Variants in TTBK2 observed in about 807,000 individuals in gnomAD.
TTBK2 encodes tau tubulin kinase 2.
In TTBK2, 28 loss-of-function variants were observed where a neutral mutation model predicts 110.8. The ratio of observed to expected loss-of-function variants is 0.25; its 90% confidence interval spans 0.19 to 0.35. The LOEUF is 0.35. Among genes scored for constraint, TTBK2 ranks in the 10% least tolerant of loss-of-function variants. TTBK2 has a pLI of 1.00. For synonymous variants in TTBK2, 532 were observed against 527.3 expected (o/e 1.01, Z -0.12); for missense variants, 1,369 against 1,500.3 (o/e 0.91, Z 1.45).
chr15:42,777,914 T>C (rs1172760899), intron 11 of TTBK2, among the ~76,000 whole-genome samples: 1 of 152,068 alleles, frequency 6.6e-6, no homozygotes, highest in Non-Finnish European at 1.5e-5. Context: ...ATTGGTGATA[T>C]ACTCAGGGTA....
At chr15:42,874,983 CA>C (rs1361761708) in intron 2 of TTBK2, among the ~76,000 whole-genome samples, 7,955 of 124,064 alleles carry the variant, frequency 0.064, 535 homozygotes, top group African/African-American at 0.17. Flanking sequence ...GAGACTGCCT[CA>C]AAAAAAAAAA....
Position 42,777,036 on chromosome 15 carries a change from C to T in TTBK2, c.1404G>A (p.Glu468=). Residue 468 remains glutamate (E), a synonymous_variant, in exon 12 of 15, where the codon GAG becomes GAA. Transcript: ENST00000267890. ...AAAAATACACTATTTTATACCAGGT[C>T]TCAAGGAACTTGTCAGTGTCTGGCT... ...EPKPDTDKFL[E]TCLEKMQKDT... The T allele has an allele frequency of 6.2e-7, 1 of 1,613,952 alleles. No homozygotes were observed. Among genetic ancestry groups the T allele is most frequent in the Non-Finnish European group, 8.5e-7 (1 of 1,179,900 alleles).
At chr15:42,786,173 T>C (rs1358369558) in intron 10 of TTBK2, among the ~76,000 whole-genome samples, 1 of 152,124 alleles carries the variant, frequency 6.6e-6, no homozygotes, top group African/African-American at 2.4e-5. Context: ...GTAGTATCTG[T>C]AGTTCTGACA....
intron 1 of TTBK2, among the ~76,000 whole-genome samples, chr15:42,906,034 C>T (rs958528281): frequency 6.6e-6 from 1 of 151,960 alleles, no homozygotes; most frequent in South Asian, 2.1e-4. Flanking sequence ...ACTAAAAATA[C>T]AAAATTAGCT....
At chr15:42,773,511 T>A (rs1889767804) in intron 13 of TTBK2, among the ~76,000 whole-genome samples, 2 of 152,082 alleles carry the variant, frequency 1.3e-5, no homozygotes, top group Admixed American at 6.6e-5. Context: ...AAACATCACA[T>A]ACATGAACAC....
chr15:42,881,988 G>A (rs531126962), intron 1 of TTBK2, among the ~76,000 whole-genome samples: 6 of 152,202 alleles, frequency 3.9e-5, no homozygotes, highest in Non-Finnish European at 7.4e-5. Flanking sequence ...TAAACTGGAA[G>A]ATAAATCTAT....
intron 13 of TTBK2, among the ~76,000 whole-genome samples, chr15:42,764,629 C>G (rs903876385): frequency 6.6e-6 from 1 of 152,264 alleles, no homozygotes; most frequent in South Asian, 2.1e-4. Context: ...CAGAGCCCAC[C>G]GCAGCTCAGC....
intron 11 of TTBK2, among the ~76,000 whole-genome samples, chr15:42,779,699 G>T (rs147719830): frequency 1.3e-5 from 2 of 152,158 alleles, no homozygotes; most frequent in African/African-American, 4.8e-5. Context: ...CCAATTCAAG[G>T]CTGGGCGCGG....
At chr15:42,870,785 C>G (rs1292506663) in intron 3 of TTBK2, among the ~76,000 whole-genome samples, 1 of 151,172 alleles carries the variant, frequency 6.6e-6, no homozygotes, top group Non-Finnish European at 1.5e-5. Flanking sequence ...CGCTTGAACC[C>G]CAGAGGTGGA....
At chr15:42,849,218 GTTCACTGAATCT>G (rs1893596349) in intron 3 of TTBK2, among the ~76,000 whole-genome samples, 1 of 151,574 alleles carries the variant, frequency 6.6e-6, no homozygotes, top group Non-Finnish European at 1.5e-5. Context: ...CTGTTTTCAA[GTTCACTGAATCT>G]TTCATCTATC....
chr15:42,810,502 C>T (rs774907679), intron 9 of TTBK2, 112 bp downstream of exon 9: 14 of 1,319,912 alleles, frequency 1.1e-5, no homozygotes, highest in Middle Eastern at 2.0e-4. Context: ...TTAAAACAGT[C>T]GTATTCTAAG....
At chr15:42,748,599 G>C (rs768943686) in intron 14 of TTBK2, among the ~76,000 whole-genome samples, 4 of 151,994 alleles carry the variant, frequency 2.6e-5, no homozygotes, top group Admixed American at 6.6e-5. Context: ...TTCTTGTAGA[G>C]ATGAGGTTTC....
chr15:42,794,755 A>T lies in TTBK2; in HGVS notation c.869T>A (p.Ile290Asn), dbSNP rs1890858808. The change falls in exon 10 of 15, where the codon ATT becomes AAT. Residue 290 changes from isoleucine to asparagine, a missense_variant. By Grantham distance (149) the Ile-to-Asn change is moderately radical (BLOSUM62 -3). Coordinates refer to ENST00000267890, the MANE Select transcript of TTBK2 (RefSeq NM_173500.4). Reference sequence around the variant, plus strand: ...CTCCCAGTCAAAAGGGTCACTCTCAATTACTCCAAAAGTCTTGATGCTATT... The same window carrying T: ...CTCCCAGTCAAAAGGGTCACTCTCATTTACTCCAAAAGTCTTGATGCTATT... ...FDNSIKTFGVIESDPFDWEKT... is the reference protein window; with the variant it reads ...FDNSIKTFGVNESDPFDWEKT... 1 of 1,614,014 alleles carries T rather than the reference A, an allele frequency of 6.2e-7. No homozygotes were observed. The highest frequency in any genetic ancestry group is 1.3e-5 in the African/African-American group (1 of 74,880).
chr15:42,875,682 G>C (rs1470097519), intron 2 of TTBK2, among the ~76,000 whole-genome samples: 1 of 152,014 alleles, frequency 6.6e-6, no homozygotes, highest in Non-Finnish European at 1.5e-5. Context: ...CGAGTCAGGT[G>C]AATCACCTGA....
intron 1 of TTBK2, among the ~76,000 whole-genome samples, chr15:42,881,236 TTGTG>T (rs1351102861): frequency 1.4e-5 from 2 of 139,710 alleles, no homozygotes; most frequent in African/African-American, 5.6e-5. Context: ...TGAGCCAAGA[TTGTG>T]CCACTGCACT....
At chr15:42,806,391 A>AC (rs1305241688) in intron 9 of TTBK2, among the ~76,000 whole-genome samples, 6 of 152,252 alleles carry the variant, frequency 3.9e-5, no homozygotes, top group Non-Finnish European at 7.3e-5. Context: ...GATGCACATA[A>AC]CCGCAAAAGT....
At chr15:42,803,375 G>A (rs779445646) in intron 9 of TTBK2, among the ~76,000 whole-genome samples, 22 of 152,146 alleles carry the variant, frequency 1.4e-4, no homozygotes, top group Non-Finnish European at 2.1e-4. Flanking sequence ...GACCACTGTC[G>A]TATATGCAAT....
At chr15:42,762,099 C>G (rs1415306604) in intron 13 of TTBK2, among the ~76,000 whole-genome samples, 1 of 152,188 alleles carries the variant, frequency 6.6e-6, no homozygotes, top group Non-Finnish European at 1.5e-5. Flanking sequence ...GATTGTGAGG[C>G]CTCCCCAGCC....
At chr15:42,838,497 C>T (rs550222831) in intron 4 of TTBK2, among the ~76,000 whole-genome samples, 26 of 152,154 alleles carry the variant, frequency 1.7e-4, no homozygotes, top group African/African-American at 4.6e-4. Flanking sequence ...TCTGCTCCCT[C>T]GACCTAACTC....
Sources: gnomAD v4.1 joint callset for allele counts (sites outside exome capture counted in the v4.1 genomes callset) on GRCh38, gnomAD v4.1.1 for gene constraint, MANE v1.5 for transcripts, NCBI Gene and HGNC (gene_info 2026-07-23, HGNC 2026-07-21) for gene names.